The following TM6SF1 variants were observed in gnomAD, a reference collection of about 807,000 sequenced individuals.
TM6SF1 encodes transmembrane 6 superfamily member 1.
TM6SF1 carries 43 observed loss-of-function variants against 47.1 expected under a neutral mutation model. That is an observed-to-expected ratio of 0.91 (90% confidence interval 0.72 to 1.18). The LOEUF (loss-of-function observed/expected upper bound fraction) is 1.18, where lower values mean the gene tolerates loss of function less well. TM6SF1 is among the 50% of genes most tolerant of loss of function. The pLI, the probability that TM6SF1 is intolerant of heterozygous loss-of-function variation, is 0.00. For synonymous variants in TM6SF1, 177 were observed against 166.3 expected (o/e 1.06, Z -0.49); for missense variants, 390 against 449.0 (o/e 0.87, Z 1.19).
Position 83,121,930 on chromosome 15 carries a change from T to G in TM6SF1, c.408T>G (p.Tyr136Ter). Residue 136 changes from tyrosine (Y) to a stop codon, truncating the protein, a stop_gained, in exon 5 of 10, where the codon TAT becomes TAG. Coordinates refer to ENST00000322019, the MANE Select transcript of TM6SF1 (RefSeq NM_023003.5). LOFTEE classifies it high-confidence loss of function. ...GTTGTTGTTGTTACAGGGAAACTTA[T>G]AGAACCATTGGCCTATATTGGGTTG... Reference protein sequence around the residue: ...MVAAIAWEETYRTIGLYWVGS... With the variant: ...MVAAIAWEET 6.2e-7 allele frequency: 1 copy of G among 1,606,560 alleles called. No homozygotes were observed. Among genetic ancestry groups the G allele is most frequent in the Non-Finnish European group, 8.5e-7 (1 of 1,178,348 alleles).
intron 8 of TM6SF1, among the ~76,000 whole-genome samples, chr15:83,127,054 C>T (rs1211225137): frequency 1.3e-5 from 2 of 151,908 alleles, no homozygotes; most frequent in African/African-American, 4.8e-5. Flanking sequence ...ACTAGCCGGG[C>T]ATGGTGGCAC....
chr15:83,111,285 C>G (rs985746753), intron 1 of TM6SF1, among the ~76,000 whole-genome samples: 5 of 152,002 alleles, frequency 3.3e-5, no homozygotes, highest in Admixed American at 2.0e-4. Context: ...ATCCATCATC[C>G]TCCATCATCC....
Position 83,112,875 on chromosome 15 carries a change from A to G in TM6SF1, c.171A>G (p.Lys57=), listed in dbSNP as rs141243867. 455 of 1,613,662 alleles carry G rather than the reference A, an allele frequency of 2.8e-4. No individual in the cohort carries two copies. The highest frequency in any genetic ancestry group is 3.6e-4 in the Non-Finnish European group (428 of 1,179,936). Residue 57 remains lysine, a synonymous_variant, in exon 2 of 10, where the codon AAA becomes AAG. Coordinates refer to ENST00000322019, the MANE Select transcript of TM6SF1 (RefSeq NM_023003.5). ...ALLARVLVKR[K]PPRDPLFYVY... ...TGGCTCGTGTCCTCGTCAAAAGAAA[A>G]CCACCCCGGGACCCACTGTTCTATG...
chr15:83,110,190 C>T (rs1369705533), intron 1 of TM6SF1, among the ~76,000 whole-genome samples: 1 of 152,170 alleles, frequency 6.6e-6, no homozygotes, highest in Non-Finnish European at 1.5e-5. Context: ...TGTTCTGTCT[C>T]CCTCTCTCAC....
intron 3 of TM6SF1, among the ~76,000 whole-genome samples, chr15:83,117,612 T>C (rs1166192516): frequency 6.6e-6 from 1 of 151,242 alleles, no homozygotes; most frequent in East Asian, 2.0e-4. Context: ...GGAGGCTGAG[T>C]TGGCAAGGGT....
intron 9 of TM6SF1, chr15:83,136,196 G>A (rs1447423707): frequency 7.5e-6 from 2 of 265,734 alleles, no homozygotes; most frequent in African/African-American, 4.4e-5. Context: ...TCGGTAAGGG[G>A]CACTTGATGG....
chr15:83,133,377 G>A (rs2036388167), intron 9 of TM6SF1: 1 of 152,060 alleles, frequency 6.6e-6, no homozygotes, highest in South Asian at 2.1e-4. Flanking sequence ...AACTTTTTTA[G>A]TTATCCTTTA....
chr15:83,130,324 G>A (rs975032355), intron 9 of TM6SF1: 2 of 152,418 alleles, frequency 1.3e-5, no homozygotes, highest in African/African-American at 4.8e-5. Context: ...CTTGCAGGTG[G>A]GCACTTATTA....
At chr15:83,116,834 C>CTAAG (rs1325246687) in intron 3 of TM6SF1, among the ~76,000 whole-genome samples, 1 of 152,130 alleles carries the variant, frequency 6.6e-6, no homozygotes, top group African/African-American at 2.4e-5. Flanking sequence ...AGGATGAGGC[C>CTAAG]TAAGACAGTG....
intron 8 of TM6SF1, 58 bp from the exon 9 acceptor site, chr15:83,127,300 T>C: frequency 1.3e-6 from 2 of 1,488,934 alleles, no homozygotes; most frequent in Non-Finnish European, 1.8e-6. Context: ...TTGTACTTTT[T>C]AGTCAGGCCA....
intron 3 of TM6SF1, among the ~76,000 whole-genome samples, chr15:83,118,694 A>G (rs971236920): frequency 1.3e-5 from 2 of 152,144 alleles, no homozygotes; most frequent in Non-Finnish European, 2.9e-5. Flanking sequence ...CTTGTTGTAG[A>G]AAGGACTTAA....
chr15:83,132,613 C>CA (rs1490461032), intron 9 of TM6SF1: 1 of 152,086 alleles, frequency 6.6e-6, no homozygotes. Context: ...AGGCTGGTCT[C>CA]AAACTCCTGG....
rs769376781 is a variant in TM6SF1, at chr15:83,115,885, C to G, written c.237C>G (p.Ile79Met). The G allele has an allele frequency of 5.0e-6, 8 of 1,614,202 alleles. No individual in the cohort carries two copies. The highest frequency in any genetic ancestry group is 6.8e-6 in the Non-Finnish European group (8 of 1,180,024). The stretch of plus-strand genomic sequence containing the variant: ...GATTTACCAGCGTGGTGAACCTCAT[C>G]ATAGGACTGGAGCAAGATGGAATCA... ...VFGFTSVVNL[I>M]IGLEQDGIID... Residue 79 changes from isoleucine to methionine, a missense_variant, in exon 3 of 10, where the codon ATC (isoleucine) becomes ATG (methionine). Physicochemically the swap from Ile to Met is conservative, Grantham distance 10 (BLOSUM62 1). Transcript: ENST00000322019.
rs2035396630 is a variant in TM6SF1, at chr15:83,122,835, G to C, written c.560G>C (p.Arg187Thr). ...YTCLPVWAGF[R>T]IYNQPSENYN... ...TGTCTTCCTGTCTGGGCTGGTTTCA[G>C]AATCTATAATCAGCCATCAGAAAAT... The change falls in exon 6 of 10, where the codon AGA (arginine) becomes ACA (threonine). Residue 187 changes from arginine to threonine, a missense_variant. Coordinates refer to ENST00000322019, the MANE Select transcript of TM6SF1 (RefSeq NM_023003.5). 1 of 1,613,882 alleles carries C rather than the reference G, an allele frequency of 6.2e-7. No individual in the cohort carries two copies. Among genetic ancestry groups the C allele is most frequent in the South Asian group, 1.1e-5 (1 of 91,070 alleles).
At chr15:83,112,621 G>A in intron 1 of TM6SF1, 176 bp from the exon 2 acceptor site, 2 of 617,442 alleles carry the variant, frequency 3.2e-6, no homozygotes, top group Non-Finnish European at 5.8e-6. Flanking sequence ...AGCCCAGATG[G>A]GCCAAAGAGC....
At chr15:83,110,555 A>T (rs2034053814) in intron 1 of TM6SF1, among the ~76,000 whole-genome samples, 1 of 152,076 alleles carries the variant, frequency 6.6e-6, no homozygotes, top group African/African-American at 2.4e-5. Context: ...AGCACCAACC[A>T]CGCGATCCTG....
intron 3 of TM6SF1, among the ~76,000 whole-genome samples, chr15:83,117,383 T>C (rs1212435779): frequency 1.3e-5 from 2 of 151,898 alleles, no homozygotes; most frequent in Non-Finnish European, 2.9e-5. Flanking sequence ...CGGAGTGCAG[T>C]TGGTACCTGA....
At chr15:83,125,840 A>G (rs1188145751) in intron 7 of TM6SF1, among the ~76,000 whole-genome samples, 1 of 152,160 alleles carries the variant, frequency 6.6e-6, no homozygotes, top group Non-Finnish European at 1.5e-5. Context: ...TTTAAGAGTT[A>G]TCTTTATCTG....
intron 2 of TM6SF1, chr15:83,114,349 T>C (rs1489937693): frequency 1.3e-5 from 2 of 152,320 alleles, no homozygotes; most frequent in Non-Finnish European, 2.9e-5. Context: ...GCAGAGACCA[T>C]GTCCTTGTCA....
Sources: gnomAD v4.1 joint callset for allele counts (sites outside exome capture counted in the v4.1 genomes callset) on GRCh38, gnomAD v4.1.1 for gene constraint, MANE v1.5 for transcripts, NCBI Gene and HGNC (gene_info 2026-07-23, HGNC 2026-07-21) for gene names.